Variants in DIP2B observed in about 807,000 individuals in gnomAD.
DIP2B encodes the protein disco-interacting protein 2 homolog B.
In DIP2B, 76 loss-of-function variants were observed where a neutral mutation model predicts 198.0. The ratio of observed to expected loss-of-function variants is 0.38; its 90% CI spans 0.32 to 0.46. The LOEUF is 0.46. Ranked by LOEUF, DIP2B falls within the 20% of genes least tolerant of loss-of-function variation. DIP2B has a pLI of 0.99. For synonymous variants in DIP2B, 701 were observed against 739.1 expected (o/e 0.95, Z 0.84); for missense variants, 1,559 against 1,978.4 (o/e 0.79, Z 4.02).
intron 3 of DIP2B, 74 bp from the exon 4 acceptor site, chr12:50,660,120 G>A: frequency 1.5e-6 from 2 of 1,311,948 alleles, no homozygotes; most frequent in Non-Finnish European, 9.9e-7. Context: ...AATTGAGGCA[G>A]TGATAGTTCA....
chr12:50,546,747 G>GA (rs1958380900), intron 1 of DIP2B, among the ~76,000 whole-genome samples: 1 of 152,140 alleles, frequency 6.6e-6, no homozygotes, highest in African/African-American at 2.4e-5. Flanking sequence ...GACGAGGAGG[G>GA]AGTGGGCTGT....
chr12:50,721,497 G>C, intron 26 of DIP2B, 101 bp downstream of exon 26: 1 of 1,528,114 alleles, frequency 6.5e-7, no homozygotes. Flanking sequence ...TGACTTGCAA[G>C]CAGTGTACTT....
At chr12:50,652,447 G>A (rs1375959582) in intron 3 of DIP2B, among the ~76,000 whole-genome samples, 1 of 151,392 alleles carries the variant, frequency 6.6e-6, no homozygotes. Flanking sequence ...TGAGGCAGGA[G>A]GATCACTTGA....
At chr12:50,574,127 AT>A (rs1958637815) in intron 1 of DIP2B, among the ~76,000 whole-genome samples, 1 of 152,228 alleles carries the variant, frequency 6.6e-6, no homozygotes, top group African/African-American at 2.4e-5. Flanking sequence ...ATCAAAATAG[AT>A]AAGAAACTTT....
At chr12:50,696,357 A>G (rs1288087067) in intron 16 of DIP2B, among the ~76,000 whole-genome samples, 2 of 152,214 alleles carry the variant, frequency 1.3e-5, no homozygotes, top group Non-Finnish European at 2.9e-5. Context: ...ATGTTGTAGT[A>G]TCTGTCAGTA....
At chr12:50,694,851 C>T (rs1445248084) in intron 14 of DIP2B, among the ~76,000 whole-genome samples, 1 of 151,808 alleles carries the variant, frequency 6.6e-6, no homozygotes, top group East Asian at 1.9e-4. Flanking sequence ...TACTGTGCCG[C>T]AGTTCAAAAA....
At position 50,663,691 on chromosome 12, in the gene DIP2B, G is replaced by A. The variant is rs946014632; in HGVS notation, c.427+3372G>A. Among the ~76,000 whole-genome samples the A allele has an allele frequency of 5.3e-5, 8 of 151,048 alleles. No individual in the cohort carries two copies. The East Asian group carries it at 9.7e-4, about 18-fold the overall frequency. ...AGGGGACCAGCCTGTGCAATATAGCGAGACCCCATCTCTACAAAAAATTAA... is the reference window on the plus strand; with the variant it reads ...AGGGGACCAGCCTGTGCAATATAGCAAGACCCCATCTCTACAAAAAATTAA... On this transcript the variant is annotated intron_variant, in intron 4 of 37. Transcript: ENST00000301180.
chr12:50,691,282 T>A (rs931416018), intron 13 of DIP2B, 131 bp downstream of exon 13: 20 of 846,272 alleles, frequency 2.4e-5, no homozygotes, highest in Non-Finnish European at 3.5e-5. Context: ...CATTCTTGGC[T>A]TGCTTTTGTT....
chr12:50,711,220 C>T lies in DIP2B; in HGVS notation c.2649+2658C>T, dbSNP rs945513754. 2.6e-5 allele frequency among the ~76,000 whole-genome samples: 4 copies of T among 152,288 alleles called. No individual in the cohort carries two copies. In the South Asian group the frequency reaches 6.2e-4, roughly 24 times the overall value. ...TTGTAACTTACCAGCTCGGAGCATT[C>T]GAGTCCATAGCAGAACAGTAAATGA... is the stretch of plus-strand genomic sequence containing the variant. On this transcript the variant is annotated intron_variant, in intron 22 of 37. Coordinates refer to ENST00000301180, the MANE Select transcript of DIP2B (RefSeq NM_173602.3).
At chr12:50,557,547 A>G (rs956708515) in intron 1 of DIP2B, among the ~76,000 whole-genome samples, 6 of 152,210 alleles carry the variant, frequency 3.9e-5, no homozygotes, top group African/African-American at 1.4e-4. Context: ...TAGGCAGAGG[A>G]CATCTACAAA....
rs929859940 is a variant in DIP2B, at chr12:50,732,433, C to T, written c.3878C>T (p.Ala1293Val). The stretch of plus-strand genomic sequence containing the variant: ...GTGGCGGAGGAGAGGCCCCGCGTTG[C>T]ACTCCAGCAGTCCTTCTCTAAGCTC... ...VVVAEERPRV[A>V]LQQSFSKLFK... is the part of the protein sequence containing the mutation. Residue 1293 changes from alanine to valine, a missense_variant, in exon 32 of 38, where the codon GCA becomes GTA. By Grantham distance (64) the Ala-to-Val change is moderately conservative (BLOSUM62 0). Transcript: ENST00000301180. 1.2e-6 allele frequency: 2 copies of T among 1,614,142 alleles called. No individual in the cohort carries two copies. The highest frequency in any genetic ancestry group is 1.7e-6 in the Non-Finnish European group (2 of 1,180,054).
chr12:50,714,927 C>T (rs1939687356), intron 23 of DIP2B, among the ~76,000 whole-genome samples: 1 of 152,072 alleles, frequency 6.6e-6, no homozygotes, highest in African/African-American at 2.4e-5. Flanking sequence ...AGAACCAGAC[C>T]CTGTCTCAAC....
rs148430444 is a variant in DIP2B at position 50,630,369 on chromosome 12, TTC to T, written c.172+4336_172+4337del. 6.7e-3 allele frequency among the ~76,000 whole-genome samples: 1,019 copies of T among 151,136 alleles called. 10 individuals are homozygous for T. Among genetic ancestry groups the T allele is most frequent in the African/African-American group, 0.022 (922 of 41,372 alleles). On this transcript the variant is annotated intron_variant, in intron 2 of 37. Coordinates refer to ENST00000301180, the MANE Select transcript of DIP2B (RefSeq NM_173602.3). ...CCCCTTCCCTCTTGTCTTTCTTCTC[TTC>T]TCTCTCTCTCTCTGACAGATCTGTG...
intron 5 of DIP2B, among the ~76,000 whole-genome samples, chr12:50,673,125 G>A (rs548591571): frequency 1.8e-4 from 27 of 152,220 alleles, no homozygotes; most frequent in Admixed American, 9.8e-4. Context: ...AAAAATGTCT[G>A]TTTTAATGCT....
At chr12:50,527,915 A>G (rs1244587308) in intron 1 of DIP2B, among the ~76,000 whole-genome samples, 3 of 149,580 alleles carry the variant, frequency 2.0e-5, no homozygotes, top group Non-Finnish European at 4.4e-5. Flanking sequence ...TTCATTAGAG[A>G]TGGAAATTCC....
In DIP2B at chr12:50,640,854, TGAG is replaced by T. The variant is rs1938243646; in HGVS notation, c.301+6_301+8del. Reference sequence around the variant, plus strand: ...CCAGGGATGAACGATATCGATCAGGTGAGGAGAAGCTGCAGAATGGCCAGCTGA... The same window carrying T: ...CCAGGGATGAACGATATCGATCAGGTGAGAAGCTGCAGAATGGCCAGCTGA... On this transcript the variant is annotated splice_donor_5th_base_variant and intron_variant, in intron 3 of 37. Coordinates refer to ENST00000301180, the MANE Select transcript of DIP2B (RefSeq NM_173602.3). The T allele has an allele frequency of 1.2e-6, 2 of 1,611,748 alleles. No homozygotes were observed.
At chr12:50,526,679 C>G (rs1056230375) in intron 1 of DIP2B, among the ~76,000 whole-genome samples, 2 of 134,110 alleles carry the variant, frequency 1.5e-5, no homozygotes, top group African/African-American at 5.7e-5. Context: ...TCTTGTTGCC[C>G]AGGCTGGAGT....
intron 1 of DIP2B, among the ~76,000 whole-genome samples, chr12:50,542,931 A>C (rs1002379016): frequency 2.6e-5 from 4 of 152,074 alleles, no homozygotes; most frequent in Non-Finnish European, 5.9e-5. Context: ...GCAGTGGCAC[A>C]GTCTTGGCTC....
chr12:50,528,032 A>G (rs1424020193), intron 1 of DIP2B, among the ~76,000 whole-genome samples: 1 of 150,918 alleles, frequency 6.6e-6, no homozygotes, highest in Non-Finnish European at 1.5e-5. Flanking sequence ...GGCTCAGGTG[A>G]TCCATCTGCC....
Sources: gnomAD v4.1 joint callset for allele counts (sites outside exome capture counted in the v4.1 genomes callset) on GRCh38, gnomAD v4.1.1 for gene constraint, MANE v1.5 for transcripts, NCBI Gene and HGNC (gene_info 2026-07-23, HGNC 2026-07-21) for gene names.